Variants in CACNG4 observed in about 807,000 individuals in gnomAD.
CACNG4 encodes the protein calcium voltage-gated channel auxiliary subunit gamma 4, also known as voltage-dependent calcium channel gamma-4 subunit.
In CACNG4, 8 loss-of-function variants were observed where a neutral mutation model predicts 22.9. The ratio of observed to expected loss-of-function variants is 0.35; its 90% CI spans 0.21 to 0.63. The LOEUF is 0.63. CACNG4 is among the 30% of genes least tolerant of loss of function. CACNG4 has a pLI of 0.72. For synonymous variants in CACNG4, 188 were observed against 191.9 expected, an observed-to-expected ratio of 0.98 and a Z score of 0.17; for missense variants, 357 against 455.4, an observed-to-expected ratio of 0.78 and a Z score of 1.97.
chr17:66,981,193 A>G (rs1238736020), intron 1 of CACNG4, among the ~76,000 whole-genome samples: 5 of 152,146 alleles, frequency 3.3e-5, no homozygotes, highest in Non-Finnish European at 7.4e-5. Flanking sequence ...CAAGAGTTTC[A>G]GTTAAGGCAG....
intron 1 of CACNG4, among the ~76,000 whole-genome samples, chr17:67,014,923 C>T (rs556157111): frequency 7.1e-5 from 10 of 141,754 alleles, no homozygotes; most frequent in African/African-American, 1.9e-4. Context: ...GGCGACAGAG[C>T]GAGACTCCAT....
chr17:66,967,857 C>G (rs1367648351), intron 1 of CACNG4, among the ~76,000 whole-genome samples: 1 of 152,008 alleles, frequency 6.6e-6, no homozygotes, highest in East Asian at 1.9e-4. Flanking sequence ...AAGCCCAGCC[C>G]TCTGTGTGCT....
intron 1 of CACNG4, among the ~76,000 whole-genome samples, chr17:67,011,940 T>C (rs2035470918): frequency 6.6e-6 from 1 of 152,108 alleles, no homozygotes; most frequent in Non-Finnish European, 1.5e-5. Flanking sequence ...AGACTCCCAA[T>C]ACCCCGCTCT....
intron 1 of CACNG4, among the ~76,000 whole-genome samples, chr17:66,995,585 C>A (rs2035368967): frequency 6.6e-6 from 1 of 152,142 alleles, no homozygotes; most frequent in Non-Finnish European, 1.5e-5. Context: ...GGCGCAGGGG[C>A]TCACCCCTGT....
intron 1 of CACNG4, among the ~76,000 whole-genome samples, chr17:66,989,091 G>A (rs1296611153): frequency 6.8e-6 from 1 of 146,768 alleles, no homozygotes; most frequent in Admixed American, 6.8e-5. Flanking sequence ...AGGCAAGAGA[G>A]TTAAATGAGA....
intron 2 of CACNG4, among the ~76,000 whole-genome samples, chr17:67,019,365 C>G (rs1387590593): frequency 6.6e-6 from 1 of 152,156 alleles, no homozygotes; most frequent in Non-Finnish European, 1.5e-5. Flanking sequence ...ACCTCCTCCT[C>G]CTCCTGTCTA....
intron 1 of CACNG4, among the ~76,000 whole-genome samples, chr17:66,974,429 AG>A (rs2035223626): frequency 6.6e-6 from 1 of 152,108 alleles, no homozygotes; most frequent in South Asian, 2.1e-4. Context: ...GAAAGAGGCC[AG>A]GCTTTGGGGT....
intron 1 of CACNG4, among the ~76,000 whole-genome samples, chr17:66,981,518 T>C (rs2035272618): frequency 6.6e-6 from 1 of 152,260 alleles, no homozygotes; most frequent in African/African-American, 2.4e-5. Flanking sequence ...CTCTAGACTG[T>C]GGCTTGAAAC....
At chr17:67,028,508 G>A (rs1249013485) in intron 3 of CACNG4, among the ~76,000 whole-genome samples, 5 of 151,436 alleles carry the variant, frequency 3.3e-5, no homozygotes, top group South Asian at 2.1e-4. Flanking sequence ...AGCCAAGATC[G>A]CGCCACTGCA....
chr17:66,990,971 C>T (rs1198804952), intron 1 of CACNG4, among the ~76,000 whole-genome samples: 3 of 152,128 alleles, frequency 2.0e-5, no homozygotes, highest in Admixed American at 6.6e-5. Context: ...TAAGCCACCG[C>T]GCCCGGCCTA....
chr17:67,028,979 C>A (rs1282579963), intron 3 of CACNG4, among the ~76,000 whole-genome samples: 1 of 152,176 alleles, frequency 6.6e-6, no homozygotes, highest in Non-Finnish European at 1.5e-5. Context: ...ACACTAAATG[C>A]AATGTAATAT....
intron 1 of CACNG4, 50 bp downstream of exon 1, chr17:66,965,181 C>A (rs1371364929): frequency 1.3e-5 from 14 of 1,059,566 alleles, no homozygotes; most frequent in Non-Finnish European, 1.7e-5. Flanking sequence ...CACACACACA[C>A]ACACATATAC....
At chr17:67,017,498 C>T (rs118019276) in intron 1 of CACNG4, among the ~76,000 whole-genome samples, 6 of 150,222 alleles carry the variant, frequency 4.0e-5, no homozygotes, top group Non-Finnish European at 8.9e-5. Flanking sequence ...TGGGCAAATT[C>T]GTTGTTGTTG....
intron 1 of CACNG4, among the ~76,000 whole-genome samples, chr17:66,979,743 T>C (rs941676404): frequency 7.2e-6 from 1 of 139,228 alleles, no homozygotes; most frequent in East Asian, 2.1e-4. Context: ...GTTCTTTTCA[T>C]GCTTTTTTTT....
intron 1 of CACNG4, among the ~76,000 whole-genome samples, chr17:66,972,557 T>A (rs1429069711): frequency 6.6e-6 from 1 of 152,036 alleles, no homozygotes; most frequent in Non-Finnish European, 1.5e-5. Context: ...TCGTTTAGGG[T>A]TGCAGGGACA....
At chr17:67,005,818 C>G (rs2035434282) in intron 1 of CACNG4, among the ~76,000 whole-genome samples, 1 of 152,202 alleles carries the variant, frequency 6.6e-6, no homozygotes, top group Admixed American at 6.5e-5. Context: ...GGACAGGGCT[C>G]CTGCCCCACT....
intron 1 of CACNG4, among the ~76,000 whole-genome samples, chr17:66,968,755 CTCCCT>C (rs1417014573): frequency 8.2e-6 from 1 of 122,478 alleles, no homozygotes; most frequent in African/African-American, 3.2e-5. Flanking sequence ...TTCCCTCCTC[CTCCCT>C]TCCCTTCCTC....
intron 1 of CACNG4, among the ~76,000 whole-genome samples, chr17:66,977,993 A>T (rs757500825): frequency 1.8e-4 from 28 of 152,308 alleles, no homozygotes; most frequent in Admixed American, 2.6e-4. Context: ...CCTATCCCAT[A>T]GGGTTGTCAG....
chr17:67,008,745 C>T (rs887244857), intron 1 of CACNG4, among the ~76,000 whole-genome samples: 3 of 152,046 alleles, frequency 2.0e-5, no homozygotes, highest in Non-Finnish European at 2.9e-5. Flanking sequence ...GTCAGGAGTT[C>T]GACACCAGCC....
Sources: allele counts gnomAD v4.1 joint callset (sites outside exome capture counted in the v4.1 genomes callset), GRCh38; gene constraint gnomAD v4.1.1; transcripts MANE v1.5; gene names NCBI Gene and HGNC (gene_info 2026-07-23, HGNC 2026-07-21).